SPTBN2: variants seen among roughly 807,000 people sequenced by gnomAD.
The protein encoded by SPTBN2 is spectrin beta, non-erythrocytic 2.
In SPTBN2, 107 loss-of-function variants were observed where a neutral mutation model predicts 284.2. The ratio of observed to expected loss-of-function variants is 0.38; its 90% CI spans 0.32 to 0.44. The LOEUF is 0.44. SPTBN2 is among the 20% of genes least tolerant of loss of function. SPTBN2 has a pLI of 1.00. For missense variants in SPTBN2, 2,569 were observed against 3,287.1 expected, an observed-to-expected ratio of 0.78 and a Z score of 5.34; for synonymous variants, 1,289 against 1,354.8, an observed-to-expected ratio of 0.95 and a Z score of 1.07.
At chr11:66,728,277 G>A (rs1942706518) in intron 1 of SPTBN2, 1 of 145,720 alleles carries the variant, frequency 6.9e-6, no homozygotes, top group Admixed American at 6.8e-5. Flanking sequence ...CGGGCGCACG[G>A]CGGGCGGCGG....
intron 32 of SPTBN2, 24 bp from the exon 33 acceptor site, chr11:66,688,103 G>GAATCATT: frequency 6.2e-7 from 1 of 1,613,924 alleles, no homozygotes; most frequent in African/African-American, 1.3e-5. Flanking sequence ...AGGCAACACA[G>GAATCATT]AATCATTAGT....
Position 66,699,599 on chromosome 11 carries a change from G to C in SPTBN2, c.3583C>G (p.Leu1195Val), listed in dbSNP as rs1427367152. 5 of 1,613,922 alleles carry C rather than the reference G, an allele frequency of 3.1e-6. No individual in the cohort carries two copies. The highest frequency in any genetic ancestry group is 2.2e-5 in the East Asian group (1 of 44,880). The change falls in exon 18 of 38, where the codon CTG (leucine) becomes GTG (valine). Residue 1195 changes from leucine (L) to valine (V), a missense_variant. This residue lies in a region of SPTBN2 where 1,012 missense variants were observed against 1,248.9 expected (regional missense o/e 0.81). Coordinates refer to ENST00000533211, the MANE Select transcript of SPTBN2 (RefSeq NM_006946.4). The stretch of plus-strand genomic sequence containing the variant: ...GTCCCTGGCATCTCCGTGTGAGACA[G>C]AACATATTCCTGTGTGGGAGGGATG... Reference protein sequence around the residue: ...EGVLSSQEYVLSHTEMPGTLQ... With the variant: ...EGVLSSQEYVVSHTEMPGTLQ...
At position 66,737,213 on chromosome 11, in the gene SPTBN2, AG is replaced by A. The variant is rs141903097; in HGVS notation, c.-475+7328del. Among the ~76,000 whole-genome samples, 1,248 of 152,300 alleles carry A rather than the reference AG, an allele frequency of 8.2e-3. 25 individuals carry two copies. The highest frequency in any genetic ancestry group is 0.029 in the African/African-American group (1,210 of 41,558). On this transcript the variant is annotated intron_variant, in intron 1 of 37. Coordinates refer to the SPTBN2 transcript ENST00000611817. ...AATCTAGATTTGCATAAAATGTTAAAGGGGGAGATTATTTGCATTACACAAG... is the reference window on the plus strand; with the variant it reads ...AATCTAGATTTGCATAAAATGTTAAAGGGGAGATTATTTGCATTACACAAG...
intron 20 of SPTBN2, 28 bp from the exon 21 acceptor site, chr11:66,696,568 G>C: frequency 6.2e-7 from 1 of 1,608,548 alleles, no homozygotes; most frequent in Non-Finnish European, 8.5e-7. Context: ...AAATGTCAAA[G>C]TGCCCAAATT....
chr11:66,699,806 C>T (rs535963844), intron 17 of SPTBN2, among the ~76,000 whole-genome samples, 198 bp from the exon 18 acceptor site: 1 of 152,276 alleles, frequency 6.6e-6, no homozygotes, highest in African/African-American at 2.4e-5. Flanking sequence ...GTGGGAAGGA[C>T]CTTCCATTCC....
intron 3 of SPTBN2, among the ~76,000 whole-genome samples, chr11:66,717,705 C>G (rs1433888117): frequency 6.6e-6 from 1 of 152,186 alleles, no homozygotes; most frequent in African/African-American, 2.4e-5. Flanking sequence ...TGGGGTGAGG[C>G]CATTTTGGCA....
At chr11:66,706,280 A>T (rs2135456778) in intron 13 of SPTBN2, among the ~76,000 whole-genome samples, 1 of 152,270 alleles carries the variant, frequency 6.6e-6, no homozygotes, top group South Asian at 2.1e-4. Context: ...TTTTTTACAA[A>T]CATAAGGTAC....
chr11:66,694,158 C>T lies in SPTBN2; in HGVS notation c.4484G>A (p.Arg1495His), dbSNP rs952607630. The T allele has an allele frequency of 1.9e-6, 3 of 1,608,910 alleles. No individual in the cohort carries two copies. Among genetic ancestry groups the T allele is most frequent in the East Asian group, 2.2e-5 (1 of 44,898 alleles). The change falls in exon 22 of 38, where the codon CGC (arginine) becomes CAC (histidine). Residue 1495 changes from arginine to histidine, a missense_variant. By Grantham distance (29) the Arg-to-His change is conservative. Transcript: ENST00000533211. ...QASREQHQFH[R>H]DVEDEILWVT... Reference sequence around the variant, plus strand: ...ACTCACAATCTCATCTTCCACATCGCGGTGGAACTGGTGCTGCTCGCGAGA... The same window carrying T: ...ACTCACAATCTCATCTTCCACATCGTGGTGGAACTGGTGCTGCTCGCGAGA...
chr11:66,710,642 C>A lies in SPTBN2; in HGVS notation c.1013G>T (p.Ser338Ile), dbSNP rs770330570. 3.1e-6 allele frequency: 5 copies of A among 1,614,158 alleles called. No homozygotes were observed. The Admixed American group carries it at 8.3e-5, about 27-fold the overall frequency. The change falls in exon 10 of 38, where the codon AGC (serine) becomes ATC (isoleucine). Residue 338 changes from serine (S) to isoleucine (I), a missense_variant. Physicochemically the swap from Ser to Ile is moderately radical, Grantham distance 142. Coordinates refer to ENST00000533211, the MANE Select transcript of SPTBN2 (RefSeq NM_006946.4). The surrounding 1 kb of genome is among the most constrained non-coding windows in gnomAD (Gnocchi z 4.9). ...GGACTGCAGCTGGTTCTGGACCCCGCTAAGGGAGTTGGCCAACTGCCGGTC... is the reference window on the plus strand; with the variant it reads ...GGACTGCAGCTGGTTCTGGACCCCGATAAGGGAGTTGGCCAACTGCCGGTC... The part of the protein sequence containing the change: ...LNDRQLANSL[S>I]GVQNQLQSFN...
chr11:66,701,439 C>A lies in SPTBN2; in HGVS notation c.2816+145G>T. The A allele has an allele frequency of 2.6e-6, 4 of 1,529,584 alleles. No homozygotes were observed. The South Asian group carries it at 4.7e-5, about 18-fold the overall frequency. The allele number at this position is 1,529,584 out of a possible 1,614,324, so 94.8% of individuals were successfully genotyped here. A position where few individuals can be genotyped will look rare whatever the true frequency, so the allele number is the denominator to read the frequency against. ...TGACCCCCTCTCTCATCTCTTTCATCCTTTTTCCTTCCCCAACATATTCCA... is the reference window on the plus strand; with the variant it reads ...TGACCCCCTCTCTCATCTCTTTCATACTTTTTCCTTCCCCAACATATTCCA... On this transcript the variant is annotated intron_variant, in intron 16 of 37. Coordinates refer to ENST00000533211, the MANE Select transcript of SPTBN2 (RefSeq NM_006946.4).
intron 1 of SPTBN2, among the ~76,000 whole-genome samples, chr11:66,727,497 G>A (rs1353071992): frequency 6.6e-6 from 1 of 152,232 alleles, no homozygotes; most frequent in Non-Finnish European, 1.5e-5. Flanking sequence ...GAACACCCCC[G>A]CGAGCAGGCC....
At chr11:66,698,570 C>G (rs868713712) in intron 20 of SPTBN2, 69 bp downstream of exon 20, 61 of 1,610,686 alleles carry the variant, frequency 3.8e-5, no homozygotes, top group Middle Eastern at 3.7e-4. Flanking sequence ...AAAACCACGT[C>G]CTGGAGCCAG....
rs1427367152 is a variant in SPTBN2, at chr11:66,699,599, G to T, written c.3583C>A (p.Leu1195Met). 7 of 1,613,922 alleles carry T rather than the reference G, an allele frequency of 4.3e-6. No individual in the cohort carries two copies. Among genetic ancestry groups the T allele is most frequent in the South Asian group, 1.1e-5 (1 of 91,068 alleles). ...EGVLSSQEYV[L>M]SHTEMPGTLQ... ...GTCCCTGGCATCTCCGTGTGAGACA[G>T]AACATATTCCTGTGTGGGAGGGATG... The change falls in exon 18 of 38, where the codon CTG becomes ATG. Residue 1195 changes from leucine (L) to methionine (M), a missense_variant. Transcript: ENST00000533211.
Position 66,707,463 on chromosome 11 carries a change from G to C in SPTBN2, c.1653+53C>G. The C allele has an allele frequency of 6.5e-7, 1 of 1,548,094 alleles. No individual in the cohort carries two copies. Among genetic ancestry groups the C allele is most frequent in the Non-Finnish European group, 8.7e-7 (1 of 1,146,740 alleles). On this transcript the variant is annotated intron_variant, in intron 13 of 37. Coordinates refer to ENST00000533211, the MANE Select transcript of SPTBN2 (RefSeq NM_006946.4). The surrounding 1 kb of genome is among the most constrained non-coding windows in gnomAD (Gnocchi z 4.9). ...AGACGGGCGGACGCACCCACTGTGG[G>C]GCCCCCTCGACTCTTGATCACTCTT...
At chr11:66,713,865 T>A (rs1206882903) in intron 7 of SPTBN2, 119 bp from the exon 8 acceptor site, 1 of 943,434 alleles carries the variant, frequency 1.1e-6, no homozygotes, top group South Asian at 1.3e-5. Context: ...GAAGTAGGCA[T>A]CCCAAACCCA....
At chr11:66,709,085 T>G in intron 10 of SPTBN2, 66 bp from the exon 11 acceptor site, 1 of 1,305,722 alleles carries the variant, frequency 7.7e-7, no homozygotes. Context: ...CTCTTTACTC[T>G]TCCAAATGGG....
rs1352972706 is a variant in SPTBN2 at position 66,683,708 on chromosome 11, G to C, written c.*2163C>G. Among the ~76,000 whole-genome samples the C allele has an allele frequency of 1.3e-5, 2 of 152,292 alleles. No individual in the cohort carries two copies. Among genetic ancestry groups the C allele is most frequent in the South Asian group, 4.1e-4 (2 of 4,834 alleles). On this transcript the variant is annotated 3_prime_UTR_variant, in exon 38 of 38. Coordinates refer to ENST00000533211, the MANE Select transcript of SPTBN2 (RefSeq NM_006946.4). ...AATTGGCTGTCCTATTTACACTTAC[G>C]TGTCGTGTTAAAATAATCATTTCTC...
chr11:66,698,502 C>A (rs1217725678), intron 20 of SPTBN2, 137 bp downstream of exon 20: 36 of 1,294,710 alleles, frequency 2.8e-5, no homozygotes, highest in South Asian at 8.8e-5. Flanking sequence ...TTCCCAGAGG[C>A]CATAACTTTC....
intron 36 of SPTBN2, chr11:66,686,760 T>A (rs905148732): frequency 1.5e-6 from 1 of 656,774 alleles, no homozygotes; most frequent in Admixed American, 2.7e-5. Flanking sequence ...CCTGGGTAAT[T>A]TTTCACCTTG....
Sources: allele counts gnomAD v4.1 joint callset (sites outside exome capture counted in the v4.1 genomes callset), GRCh38; gene constraint gnomAD v4.1.1; regional missense constraint gnomAD v4.1.1; non-coding constraint Gnocchi (gnomAD v3.1); transcripts MANE v1.5; gene names NCBI Gene and HGNC (gene_info 2026-07-23, HGNC 2026-07-21).